Variants in UBAC1 observed in about 807,000 individuals in gnomAD.
UBAC1 encodes the protein ubiquitin-associated domain-containing protein 1.
In UBAC1, 27 loss-of-function variants were observed where a neutral mutation model predicts 45.9. The ratio of observed to expected loss-of-function variants is 0.59; its 90% CI spans 0.43 to 0.81. UBAC1 has a LOEUF of 0.81. Ranked by LOEUF, UBAC1 falls within the 30% of genes least tolerant of loss-of-function variation. UBAC1 has a pLI of 0.00. For missense variants in UBAC1, 529 were observed against 539.2 expected, an observed-to-expected ratio of 0.98 and a Z score of 0.19; for synonymous variants, 227 against 215.5, an observed-to-expected ratio of 1.05 and a Z score of -0.47.
chr9:135,937,226 G>A (rs1184395018), intron 9 of UBAC1, among the ~76,000 whole-genome samples: 2 of 151,938 alleles, frequency 1.3e-5, no homozygotes, highest in East Asian at 3.9e-4. Flanking sequence ...GGTGGATCAC[G>A]AGGTCAGGAG....
At chr9:135,936,396 G>A (rs1839203304) in intron 9 of UBAC1, among the ~76,000 whole-genome samples, 2 of 151,852 alleles carry the variant, frequency 1.3e-5, no homozygotes, top group South Asian at 4.2e-4. Context: ...CATACTTCTA[G>A]GTAGATTATG....
intron 3 of UBAC1, among the ~76,000 whole-genome samples, chr9:135,952,507 A>G (rs1182873971): frequency 1.3e-5 from 2 of 152,218 alleles, no homozygotes; most frequent in African/African-American, 4.8e-5. Context: ...GCTTTCCAAA[A>G]CATGAGCTTC....
chr9:135,952,728 C>T (rs1839420954), intron 3 of UBAC1, among the ~76,000 whole-genome samples: 1 of 152,232 alleles, frequency 6.6e-6, no homozygotes. Flanking sequence ...TGCCCGGGAC[C>T]AGAACTGTTT....
chr9:135,954,291 A>G (rs1463346567), intron 2 of UBAC1, among the ~76,000 whole-genome samples: 14 of 152,174 alleles, frequency 9.2e-5, no homozygotes, highest in Admixed American at 8.5e-4. Context: ...ACGAAAATAT[A>G]AAAAATAGTT....
At chr9:135,958,193 C>A (rs190100499) in intron 1 of UBAC1, among the ~76,000 whole-genome samples, 3,500 of 152,066 alleles carry the variant, frequency 0.023, 50 homozygotes, top group Non-Finnish European at 0.023. Context: ...ACTACAGGTG[C>A]CCGCCACCAC....
chr9:135,946,441 C>T, intron 4 of UBAC1, 70 bp from the exon 5 acceptor site: 1 of 991,836 alleles, frequency 1.0e-6, no homozygotes, highest in Non-Finnish European at 1.6e-6. Context: ...TGACTTGCTC[C>T]CCTGTCCTAG....
chr9:135,946,492 C>A (rs1415671181), intron 4 of UBAC1, 121 bp from the exon 5 acceptor site: 2 of 700,324 alleles, frequency 2.9e-6, no homozygotes, highest in Admixed American at 4.2e-5. Flanking sequence ...TGCTTTCTTG[C>A]AAGACAGCAG....
intron 5 of UBAC1, 87 bp downstream of exon 5, chr9:135,946,182 G>C (rs557631009): frequency 2.3e-5 from 25 of 1,098,616 alleles, no homozygotes; most frequent in South Asian, 6.4e-5. Flanking sequence ...CTGAGGTTCC[G>C]GTCAGTGGTC....
At chr9:135,951,562 A>G (rs1327060165) in intron 3 of UBAC1, among the ~76,000 whole-genome samples, 1 of 152,160 alleles carries the variant, frequency 6.6e-6, no homozygotes, top group African/African-American at 2.4e-5. Flanking sequence ...TAATCCTAGC[A>G]CTTTGGGAGG....
rs957726596 is a variant in UBAC1 at position 135,959,383 on chromosome 9, T to G, written c.138+1642A>C. ...GGGTTTTTTGTCTGGTTTTTTTTTT[T>G]TTTTTTTTTTGAGACGGAGTCTTGC... is the stretch of plus-strand genomic sequence containing the variant. On this transcript the variant is annotated intron_variant, in intron 1 of 9. Transcript: ENST00000371756. 4.0e-4 allele frequency among the ~76,000 whole-genome samples: 59 copies of G among 148,824 alleles called. 1 individual carries two copies. Among genetic ancestry groups the G allele is most frequent in the African/African-American group, 1.4e-3 (58 of 40,426 alleles).
chr9:135,960,961 CGGGGTCCGCAGTCGGA>C lies in UBAC1; in HGVS notation c.138+48_138+63del. The C allele has an allele frequency of 2.2e-6, 3 of 1,381,922 alleles. No homozygotes were observed. The South Asian group carries it at 4.2e-5, about 19-fold the overall frequency. 85.6% of individuals were successfully genotyped at this position (1,381,922 alleles called of 1,614,324 possible). On this transcript the variant is annotated intron_variant, in intron 1 of 9. Transcript: ENST00000371756. ...GGTCGGGGCGGTTCGGGGACTGAGG[CGGGGTCCGCAGTCGGA>C]GGGGTCCGGAGCGGGTGTTGGGGGC...
At chr9:135,960,742 A>G (rs1284174958) in intron 1 of UBAC1, among the ~76,000 whole-genome samples, 2 of 152,208 alleles carry the variant, frequency 1.3e-5, no homozygotes, top group African/African-American at 4.8e-5. Context: ...GCTGGCGTGT[A>G]CAGGGCTCGG....
At chr9:135,960,297 C>G (rs149605506) in intron 1 of UBAC1, among the ~76,000 whole-genome samples, 111 of 152,302 alleles carry the variant, frequency 7.3e-4, no homozygotes, top group African/African-American at 2.6e-3. Flanking sequence ...ACCTAAGGAA[C>G]TAAATACACA....
At position 135,938,244 on chromosome 9, in the gene UBAC1, C is replaced by G; in HGVS notation, c.1080G>C (p.Leu360=). The change falls in exon 9 of 10, where the codon CTG becomes CTC. Residue 360 remains leucine, a synonymous_variant. Coordinates refer to ENST00000371756, the MANE Select transcript of UBAC1 (RefSeq NM_016172.3). The part of the protein sequence containing the change: ...ILDNPVVQLG[L]TNPKTLLAFE... ...TACCTAGCAATGTTTTCGGGTTGGT[C>G]AGGCCCAGCTGCACCACCGGGTTAT... 1 of 1,614,108 alleles carries G rather than the reference C, an allele frequency of 6.2e-7. No homozygotes were observed. The highest frequency in any genetic ancestry group is 1.7e-5 in the Admixed American group (1 of 60,022).
intron 7 of UBAC1, among the ~76,000 whole-genome samples, chr9:135,944,394 C>T (rs1028280536): frequency 4.6e-5 from 7 of 152,170 alleles, no homozygotes; most frequent in Admixed American, 2.6e-4. Context: ...CCACACGAGA[C>T]GACAGCATGC....
Position 135,961,031 on chromosome 9 carries a change from G to C in UBAC1, c.132C>G (p.Leu44=). The change falls in exon 1 of 10, where the codon CTC becomes CTG. Residue 44 remains leucine (L), a synonymous_variant. Transcript: ENST00000371756. ...TSVEKLKERC[L]KHCAHGSLED... Reference sequence around the variant, plus strand: ...GGAGGGGGCCCGGCCTTACGTGCTTGAGGCAGCGCTCCTTGAGCTTCTCCA... The same window carrying C: ...GGAGGGGGCCCGGCCTTACGTGCTTCAGGCAGCGCTCCTTGAGCTTCTCCA... The C allele has an allele frequency of 1.3e-6, 2 of 1,563,346 alleles. No individual in the cohort carries two copies. The highest frequency in any genetic ancestry group is 1.4e-5 in the African/African-American group (1 of 71,470).
intron 5 of UBAC1, 49 bp from the exon 6 acceptor site, chr9:135,946,046 G>C (rs536586411): frequency 6.6e-7 from 1 of 1,525,946 alleles, no homozygotes; most frequent in East Asian, 2.3e-5. Context: ...AGGTTCAGGG[G>C]CCTTATCTGA....
At chr9:135,955,763 C>G (rs1246377428) in intron 1 of UBAC1, among the ~76,000 whole-genome samples, 1 of 152,184 alleles carries the variant, frequency 6.6e-6, no homozygotes, top group African/African-American at 2.4e-5. Flanking sequence ...TCCTGATGAC[C>G]TAAAGATCTA....
At chr9:135,953,907 G>A (rs1006681397) in intron 2 of UBAC1, 154 bp from the exon 3 acceptor site, 3 of 454,832 alleles carry the variant, frequency 6.6e-6, no homozygotes, top group African/African-American at 2.1e-5. Context: ...GGGAGGCTGA[G>A]GCGGGCAAAT....
Sources: allele counts gnomAD v4.1 joint callset (sites outside exome capture counted in the v4.1 genomes callset), GRCh38; gene constraint gnomAD v4.1.1; transcripts MANE v1.5; gene names NCBI Gene and HGNC (gene_info 2026-07-23, HGNC 2026-07-21).